The following RPL9 variants were observed in gnomAD, a reference collection of about 807,000 sequenced individuals.
RPL9 encodes the protein ribosomal protein L9.
For synonymous variants in RPL9, 82 were observed against 77.1 expected (o/e 1.06, Z -0.33); for missense variants, 149 against 236.7 (o/e 0.63, Z 2.43).
chr4:39,457,364 A>AAC (rs1744137040), intron 4 of RPL9: 10 of 411,004 alleles, frequency 2.4e-5, no homozygotes, highest in Non-Finnish European at 3.0e-5. Context: ...AAAAAAAAAA[A>AAC]AAACCCAACA....
chr4:39,458,580 G>C, intron 1 of RPL9, 140 bp from the exon 2 acceptor site: 1 of 856,022 alleles, frequency 1.2e-6, no homozygotes, highest in African/African-American at 1.7e-5. Context: ...ACCGACAGCG[G>C]GCCCCAGTGT....
chr4:39,458,885 C>G lies in RPL9; in HGVS notation c.-2+6G>C, dbSNP rs144566412. On this transcript the variant is annotated splice_donor_region_variant and intron_variant, in intron 1 of 7. Transcript: ENST00000295955. ...AGTACCCCCACGAGCACAGAAACAT[C>G]CTTACCTCGCAGTAGACGCAGCAAA... 1 of 701,886 alleles carries G rather than the reference C, an allele frequency of 1.4e-6. No homozygotes were observed. The highest frequency in any genetic ancestry group is 1.7e-5 in the African/African-American group (1 of 57,256). 43.5% of individuals were successfully genotyped at this position (701,886 alleles called of 1,614,324 possible).
At chr4:39,454,690 C>T in intron 6 of RPL9, 41 bp from the exon 7 acceptor site, 4 of 1,549,150 alleles carry the variant, frequency 2.6e-6, no homozygotes, top group East Asian at 2.3e-5. Context: ...ATCAGCCTAA[C>T]CCATCTTAAA....
chr4:39,458,174 A>G lies in RPL9; in HGVS notation c.162+20T>C. On this transcript the variant is annotated intron_variant, in intron 3 of 7. Transcript: ENST00000295955. ...CCACCTTCCAACGAGCAACTGAATT[A>G]TCAGAAGAAAAACCCTCACCCTCTT... The G allele has an allele frequency of 6.2e-7, 1 of 1,612,266 alleles. No homozygotes were observed. Among genetic ancestry groups the G allele is most frequent in the Middle Eastern group, 1.7e-4 (1 of 6,060 alleles).
At chr4:39,454,720 T>C in intron 6 of RPL9, 71 bp from the exon 7 acceptor site, 1 of 1,468,648 alleles carries the variant, frequency 6.8e-7, no homozygotes, top group Non-Finnish European at 9.3e-7. Flanking sequence ...TTTCATTATG[T>C]GCTGTACTTA....
intron 5 of RPL9, among the ~76,000 whole-genome samples, chr4:39,455,636 T>C (rs1165364867): frequency 6.6e-6 from 1 of 152,106 alleles, no homozygotes; most frequent in Non-Finnish European, 1.5e-5. Context: ...CTGGATGTGG[T>C]GGCAGGCACC....
chr4:39,458,071 G>C (rs1486020922), intron 3 of RPL9, 123 bp downstream of exon 3: 1 of 956,664 alleles, frequency 1.0e-6, no homozygotes, highest in South Asian at 1.4e-5. Flanking sequence ...TGGTATTCTG[G>C]ACAGCAACAT....
chr4:39,456,879 G>C (rs995852957), intron 4 of RPL9: 7 of 216,834 alleles, frequency 3.2e-5, no homozygotes, highest in Non-Finnish European at 6.4e-5. Flanking sequence ...CCAAGCCAAA[G>C]GCAGGCCCCC....
At chr4:39,458,537 G>C in intron 1 of RPL9, 97 bp from the exon 2 acceptor site, 2 of 1,324,738 alleles carry the variant, frequency 1.5e-6, no homozygotes, top group Non-Finnish European at 2.1e-6. Flanking sequence ...ACTGCCAGGC[G>C]GAAGTTCCAG....
intron 6 of RPL9, 98 bp downstream of exon 6, chr4:39,454,766 T>A: frequency 4.1e-6 from 6 of 1,468,842 alleles, no homozygotes; most frequent in South Asian, 1.2e-5. Context: ...TTTCACAATT[T>A]AAAAAGCTAA....
intron 3 of RPL9, chr4:39,457,974 G>T (rs962136705): frequency 1.6e-5 from 11 of 686,240 alleles, no homozygotes; most frequent in Non-Finnish European, 2.4e-5. Context: ...ACACCATTAA[G>T]ACGTGTCACT....
chr4:39,458,572 C>G, intron 1 of RPL9, 132 bp from the exon 2 acceptor site: 11 of 920,584 alleles, frequency 1.2e-5, no homozygotes, highest in Non-Finnish European at 1.8e-5. Flanking sequence ...GACGGGAGAC[C>G]GACAGCGGGC....
chr4:39,457,681 G>C lies in RPL9; in HGVS notation c.163C>G (p.Leu55Val). 1.2e-6 allele frequency: 2 copies of C among 1,613,614 alleles called. No individual in the cohort carries two copies. Among genetic ancestry groups the C allele is most frequent in the Non-Finnish European group, 8.5e-7 (1 of 1,179,546 alleles). ...TTACCCCACCATTTGTCAACCCGGA[G>C]CTGTAACAGAACAAAAAATGTATTC... Reference protein sequence around the residue: ...LSLLGKKKKRLRVDKWWGNRK... With the variant: ...LSLLGKKKKRVRVDKWWGNRK... Residue 55 changes from leucine to valine, a missense_variant and splice_region_variant, in exon 4 of 8, where the codon CTC becomes GTC. Physicochemically the swap from Leu to Val is conservative, Grantham distance 32 (BLOSUM62 1). Transcript: ENST00000295955.
intron 7 of RPL9, 118 bp from the exon 8 acceptor site, chr4:39,454,343 C>A: frequency 1.9e-6 from 1 of 527,478 alleles, no homozygotes; most frequent in Non-Finnish European, 3.4e-6. Flanking sequence ...CTATGACTTA[C>A]TGATTCATAG....
intron 4 of RPL9, chr4:39,457,095 T>G (rs1042703580): frequency 6.3e-6 from 1 of 158,566 alleles, no homozygotes; most frequent in Admixed American, 6.1e-5. Context: ...GACAGAAAAC[T>G]CAGAAACTAC....
At chr4:39,458,051 CTGAACAGGCTGGTAT>C in intron 3 of RPL9, 128 bp downstream of exon 3, 1 of 854,736 alleles carries the variant, frequency 1.2e-6, no homozygotes, top group Non-Finnish European at 1.9e-6. Context: ...TTCAATTTCA[CTGAACAGGCTGGTAT>C]TCTGGACAGC....
In RPL9 at chr4:39,458,258, G is replaced by A. The variant is rs186201502; in HGVS notation, c.98C>T (p.Thr33Ile). 9 of 1,614,072 alleles carry A rather than the reference G, an allele frequency of 5.6e-6. No homozygotes were observed. The East Asian group carries it at 1.1e-4, about 20-fold the overall frequency. Residue 33 changes from threonine (T) to isoleucine (I), a missense_variant, in exon 3 of 8, where the codon ACC becomes ATC. Transcript: ENST00000295955. ...GATGTGATTGAAGTCCCTCCGCAGG[G>A]TTCCTCTGGGGCCCTTCACGATAAC... The part of the protein sequence containing the change: ...RTVIVKGPRG[T>I]LRRDFNHINV...
At chr4:39,458,598 C>T in intron 1 of RPL9, 158 bp from the exon 2 acceptor site, 1 of 720,862 alleles carries the variant, frequency 1.4e-6, no homozygotes. Context: ...TGTGTCCCAG[C>T]CTGGAAGGAG....
intron 1 of RPL9, chr4:39,458,658 C>T: frequency 1.6e-6 from 1 of 625,378 alleles, no homozygotes; most frequent in Non-Finnish European, 2.8e-6. Flanking sequence ...TCCCACTCAG[C>T]CCAACCCTGG....
Sources: allele counts gnomAD v4.1 joint callset (sites outside exome capture counted in the v4.1 genomes callset), GRCh38; gene constraint gnomAD v4.1.1; transcripts MANE v1.5; gene names NCBI Gene and HGNC (gene_info 2026-07-23, HGNC 2026-07-21).